The following PDE4D variants were observed in gnomAD, a reference collection of about 807,000 sequenced individuals.
The protein encoded by PDE4D is 3',5'-cyclic-AMP phosphodiesterase 4D.
Under a neutral mutation model 87.4 loss-of-function variants are expected in PDE4D, and 24 were observed. The ratio of observed to expected loss-of-function variants is 0.27; its 90% confidence interval spans 0.20 to 0.39. The LOEUF (loss-of-function observed/expected upper bound fraction) is 0.39. PDE4D is among the 10% of genes least tolerant of loss of function. The pLI is 1.00. For missense variants in PDE4D, 714 were observed against 1,041.0 expected, an observed-to-expected ratio of 0.69 and a Z score of 4.32; for synonymous variants, 384 against 383.2, an observed-to-expected ratio of 1.00 and a Z score of -0.02.
At chr5:59,047,559 A>T (rs1041893417) in intron 5 of PDE4D, among the ~76,000 whole-genome samples, 1 of 152,246 alleles carries the variant, frequency 6.6e-6, no homozygotes, top group Admixed American at 6.5e-5. Context: ...AGAAAAGTAA[A>T]GACCAGTTAA....
At chr5:59,211,664 C>A (rs1462000232) in intron 2 of PDE4D, among the ~76,000 whole-genome samples, 1 of 151,826 alleles carries the variant, frequency 6.6e-6, no homozygotes. Flanking sequence ...TAACAATGTC[C>A]CTATCAAAAG....
At chr5:60,320,188 C>G (rs1339926039) in intron 1 of PDE4D, among the ~76,000 whole-genome samples, 1 of 152,344 alleles carries the variant, frequency 6.6e-6, no homozygotes, top group South Asian at 2.1e-4. Context: ...ATGGCGGGAG[C>G]CCCTCCCCCA....
intron 1 of PDE4D, among the ~76,000 whole-genome samples, chr5:59,463,881 C>A (rs1387351843): frequency 6.6e-6 from 1 of 152,182 alleles, no homozygotes; most frequent in Non-Finnish European, 1.5e-5. Flanking sequence ...AAGAAAAATT[C>A]TTCTGCCTTG....
Position 59,762,235 on chromosome 5 carries a change from TATATGTGTATATGGGTACACATATGC to T in PDE4D, c.455+130907_455+130932del, listed in dbSNP as rs776727251. ...ATGTGTATATGGGTACACATATGCGTATATGTGTATATGGGTACACATATGCGTATATGTGTATATGGGTACACATA... is the reference window on the plus strand; with the variant it reads ...ATGTGTATATGGGTACACATATGCGTGTATATGTGTATATGGGTACACATA... On this transcript the variant is annotated intron_variant, in intron 1 of 14. Transcript: ENST00000340635. Among the ~76,000 whole-genome samples the T allele has an allele frequency of 6.8e-3, 739 of 108,768 alleles. 14 individuals are homozygous for T. The highest frequency in any genetic ancestry group is 0.022 in the Middle Eastern group (4 of 184). 71.4% of individuals were successfully genotyped at this position (108,768 alleles called of 152,430 possible).
intron 1 of PDE4D, among the ~76,000 whole-genome samples, chr5:60,312,251 C>G (rs751909537): frequency 5.9e-5 from 9 of 152,186 alleles, no homozygotes; most frequent in Non-Finnish European, 1.3e-4. Flanking sequence ...ATACATTATT[C>G]TCATCTGCAC....
intron 3 of PDE4D, among the ~76,000 whole-genome samples, chr5:59,937,696 G>C (rs1440884019): frequency 6.6e-6 from 1 of 152,154 alleles, no homozygotes; most frequent in Non-Finnish European, 1.5e-5. Flanking sequence ...CCTCCTAAAG[G>C]CCCTCTCTCC....
chr5:59,424,713 T>A (rs544150727), intron 1 of PDE4D, among the ~76,000 whole-genome samples: 3 of 152,162 alleles, frequency 2.0e-5, no homozygotes, highest in Admixed American at 2.0e-4. Context: ...TCCCACAGCA[T>A]GTGGAGATTA....
At chr5:59,205,290 TA>T (rs995974817) in intron 2 of PDE4D, among the ~76,000 whole-genome samples, 24 of 152,152 alleles carry the variant, frequency 1.6e-4, no homozygotes, top group Non-Finnish European at 1.5e-4. Context: ...AAAATGTCTT[TA>T]AAAAATAAAA....
intron 5 of PDE4D, among the ~76,000 whole-genome samples, chr5:59,080,492 C>G (rs1766541848): frequency 6.6e-6 from 1 of 152,174 alleles, no homozygotes; most frequent in Non-Finnish European, 1.5e-5. Flanking sequence ...AGAATGCTCA[C>G]CAGATGGTGA....
chr5:59,363,061 C>T (rs573071067), intron 1 of PDE4D, among the ~76,000 whole-genome samples: 59 of 152,244 alleles, frequency 3.9e-4, no homozygotes, highest in East Asian at 2.5e-3. Context: ...ACCATAATGT[C>T]GGGTTAACTT....
intron 6 of PDE4D, chr5:58,999,557 A>G (rs762644772): frequency 8.3e-7 from 1 of 1,207,862 alleles, no homozygotes. Context: ...TTATATGTAT[A>G]TATATATATA....
chr5:60,492,316 T>C (rs935389429), upstream of PDE4D, among the ~76,000 whole-genome samples: 5 of 152,040 alleles, frequency 3.3e-5, no homozygotes, highest in Admixed American at 6.6e-5. Flanking sequence ...CACACACCTG[T>C]AGTCCCAGCT....
At chr5:59,122,141 C>CAAAAAAAAAAAAAAAAAAAAAAAAAAAAA (rs56284898) in intron 5 of PDE4D, among the ~76,000 whole-genome samples, 1 of 71,592 alleles carries the variant, frequency 1.4e-5, no homozygotes, top group Non-Finnish European at 2.4e-5. Flanking sequence ...GACTCTATCT[C>CAAAAAAAAAAAAAAAAAAAAAAAAAAAAA]AAAAAAAAAA....
At chr5:58,984,074 C>T (rs1255461942) in intron 11 of PDE4D, among the ~76,000 whole-genome samples, 1 of 39,400 alleles carries the variant, frequency 2.5e-5, no homozygotes, top group Non-Finnish European at 5.1e-5. Context: ...TAGGCTTAGC[C>T]TTGAGTTAGT....
intron 1 of PDE4D, among the ~76,000 whole-genome samples, chr5:60,398,962 C>A (rs1436826512): frequency 2.0e-5 from 3 of 152,116 alleles, no homozygotes; most frequent in African/African-American, 7.2e-5. Flanking sequence ...ACCCACCTAT[C>A]TTTGAATTGC....
intron 5 of PDE4D, among the ~76,000 whole-genome samples, chr5:59,177,856 T>C (rs997163275): frequency 2.0e-5 from 3 of 152,200 alleles, no homozygotes; most frequent in Non-Finnish European, 2.9e-5. Flanking sequence ...AGAAGCCACA[T>C]GGAAGCTGGT....
At chr5:59,908,503 TC>T (rs1753089103) in intron 3 of PDE4D, among the ~76,000 whole-genome samples, 1 of 152,168 alleles carries the variant, frequency 6.6e-6, no homozygotes, top group African/African-American at 2.4e-5. Context: ...ACCTTTTGTC[TC>T]CCATTCTTGA....
In PDE4D at chr5:60,486,719, G is replaced by A. The variant is rs973041724; in HGVS notation, c.-90+1223C>T. Among the ~76,000 whole-genome samples, 3 of 152,174 alleles carry A rather than the reference G, an allele frequency of 2.0e-5. No homozygotes were observed. In the East Asian group the frequency reaches 5.8e-4, roughly 29 times the overall value. ...AATTGGCAAGTAATTGCCAACTATA[G>A]CTATTAAAAGTTTATATTTGCCACA... On this transcript the variant is annotated intron_variant, in intron 1 of 16. Coordinates refer to the PDE4D transcript ENST00000502484.
At chr5:59,213,161 CTT>C (rs1750452933) in intron 2 of PDE4D, among the ~76,000 whole-genome samples, 1 of 132,582 alleles carries the variant, frequency 7.5e-6, no homozygotes, top group African/African-American at 3.4e-5. Flanking sequence ...CCTCCTTCTT[CTT>C]TTTTTCTTTT....
Sources: allele counts gnomAD v4.1 joint callset (sites outside exome capture counted in the v4.1 genomes callset), GRCh38; gene constraint gnomAD v4.1.1; transcripts MANE v1.5; gene names NCBI Gene and HGNC (gene_info 2026-07-23, HGNC 2026-07-21).